The following AGXT2 variants were observed in gnomAD, a reference collection of about 807,000 sequenced individuals.
AGXT2 encodes the protein alanine--glyoxylate aminotransferase 2, mitochondrial.
A neutral mutation model predicts 62.5 loss-of-function variants in AGXT2; 61 were observed. The ratio of observed to expected loss-of-function variants is 0.98; its 90% CI spans 0.79 to 1.21. The LOEUF is 1.21. Ranked by LOEUF, AGXT2 falls within the 50% of genes most tolerant of loss-of-function variation. AGXT2 has a pLI of 0.00. For synonymous variants in AGXT2, 243 were observed against 218.7 expected (o/e 1.11, Z -0.98); for missense variants, 666 against 641.5 (o/e 1.04, Z -0.41).
chr5:35,027,704 C>A (rs184559992), intron 7 of AGXT2, among the ~76,000 whole-genome samples: 7 of 151,368 alleles, frequency 4.6e-5, no homozygotes, highest in East Asian at 2.0e-4. Flanking sequence ...TGTGAGAATT[C>A]TTTGAGGCCC....
intron 9 of AGXT2, among the ~76,000 whole-genome samples, chr5:35,024,399 C>G (rs1400775127): frequency 1.3e-5 from 2 of 152,144 alleles, no homozygotes; most frequent in Non-Finnish European, 2.9e-5. Context: ...CATAGCTACT[C>G]TCAGTAGACA....
intron 11 of AGXT2, among the ~76,000 whole-genome samples, 199 bp from the exon 12 acceptor site, chr5:35,010,348 GC>G (rs1484926468): frequency 1.3e-5 from 2 of 152,128 alleles, no homozygotes; most frequent in African/African-American, 2.4e-5. Flanking sequence ...ATATGCTTCT[GC>G]CCCCAACTCC....
intron 12 of AGXT2, among the ~76,000 whole-genome samples, chr5:35,006,830 T>C (rs987957144): frequency 6.6e-6 from 1 of 152,208 alleles, no homozygotes; most frequent in Non-Finnish European, 1.5e-5. Context: ...TTCTTGGGTA[T>C]TATAACTATG....
At chr5:35,014,264 C>A (rs1766761404) in intron 9 of AGXT2, 145 bp from the exon 10 acceptor site, 16 of 1,087,822 alleles carry the variant, frequency 1.5e-5, no homozygotes, top group Non-Finnish European at 2.2e-5. Flanking sequence ...CCAGCCTGGC[C>A]AAGATGGTGA....
intron 13 of AGXT2, among the ~76,000 whole-genome samples, chr5:35,002,206 C>T (rs1395628752): frequency 1.5e-4 from 14 of 92,460 alleles, no homozygotes; most frequent in Non-Finnish European, 3.9e-4. Context: ...ATGACCTGGA[C>T]TAGAAAAAAA....
chr5:35,023,081 G>A (rs755741424), intron 9 of AGXT2, among the ~76,000 whole-genome samples: 1 of 137,252 alleles, frequency 7.3e-6, no homozygotes, highest in Non-Finnish European at 1.5e-5. Context: ...TTCCGATATT[G>A]TTTTATTCAT....
At chr5:35,009,926 G>A in intron 12 of AGXT2, 74 bp downstream of exon 12, 1 of 1,594,970 alleles carries the variant, frequency 6.3e-7, no homozygotes, top group African/African-American at 1.3e-5. Flanking sequence ...AGTAAATGAA[G>A]TTTAGCTGAT....
At position 35,025,747 on chromosome 5, in the gene AGXT2, C is replaced by A; in HGVS notation, c.963+16G>T. On this transcript the variant is annotated intron_variant, in intron 9 of 13. Coordinates refer to ENST00000231420, the MANE Select transcript of AGXT2 (RefSeq NM_031900.4). ...TGTTCCCACTGCACTCAATGGCACC[C>A]TTACATGCCACTTACTTCATCTGCA... 13 of 1,613,148 alleles carry A rather than the reference C, an allele frequency of 8.1e-6. No homozygotes were observed. Among genetic ancestry groups the A allele is most frequent in the Non-Finnish European group, 1.1e-5 (13 of 1,179,164 alleles).
At position 35,026,657 on chromosome 5, in the gene AGXT2, G is replaced by A. The variant is rs1767366259; in HGVS notation, c.770-147C>T. The A allele has an allele frequency of 3.1e-6, 3 of 964,984 alleles. No homozygotes were observed. The African/African-American group carries it at 5.0e-5, about 16-fold the overall frequency. The allele number at this position is 964,984 out of a possible 1,614,324, so 59.8% of individuals were successfully genotyped here. A position where few individuals can be genotyped will look rare whatever the true frequency, so the allele number is the denominator to read the frequency against. ...GGACTTCAGAATACGGTAAACTGGG[G>A]TGAGGATATGCATTTCTGAAGGGGG... On this transcript the variant is annotated intron_variant, in intron 7 of 13. Coordinates refer to ENST00000231420, the MANE Select transcript of AGXT2 (RefSeq NM_031900.4).
Position 35,026,478 on chromosome 5 carries a change from G to T in AGXT2, c.802C>A (p.Gln268Lys). 6.2e-7 allele frequency: 1 copy of T among 1,613,924 alleles called. No homozygotes were observed. The highest frequency in any genetic ancestry group is 1.1e-5 in the South Asian group (1 of 91,070). Reference protein sequence around the residue: ...CCQAKDQYIEQFKDTLSTSVA... With the variant: ...CCQAKDQYIEKFKDTLSTSVA... ...GATGTGCTCAGCGTATCTTTGAATT[G>T]CTCAATATACTGATCTTTAGCTTGG... is the stretch of plus-strand genomic sequence containing the variant. Residue 268 changes from glutamine to lysine, a missense_variant, in exon 8 of 14, where the codon CAA becomes AAA. Transcript: ENST00000231420.
intron 5 of AGXT2, 33 bp downstream of exon 5, chr5:35,035,189 T>C (rs1045429539): frequency 2.9e-5 from 45 of 1,561,302 alleles, no homozygotes; most frequent in Non-Finnish European, 3.9e-5. Context: ...TAAGTCAGTG[T>C]TCCTAAAGTT....
At chr5:35,037,197 A>G in intron 3 of AGXT2, 132 bp from the exon 4 acceptor site, 2 of 1,349,932 alleles carry the variant, frequency 1.5e-6, no homozygotes, top group Non-Finnish European at 2.0e-6. Context: ...TACACATGAG[A>G]ATAAACTCCT....
intron 12 of AGXT2, among the ~76,000 whole-genome samples, chr5:35,008,525 C>T (rs1446239486): frequency 6.6e-6 from 1 of 152,196 alleles, no homozygotes; most frequent in East Asian, 1.9e-4. Flanking sequence ...TTGTACTTGT[C>T]CACACACTGA....
At chr5:35,013,079 G>A (rs528148122) in intron 10 of AGXT2, 34 bp from the exon 11 acceptor site, 31 of 1,519,856 alleles carry the variant, frequency 2.0e-5, no homozygotes, top group East Asian at 7.4e-5. Flanking sequence ...TGGAAAGAGG[G>A]ACACATTCCT....
At chr5:35,036,712 T>C (rs10060652) in intron 4 of AGXT2, among the ~76,000 whole-genome samples, 29,153 of 151,926 alleles carry the variant, frequency 0.19, 2,914 homozygotes, top group Middle Eastern at 0.29. Flanking sequence ...GGAACATTGG[T>C]TTGTTTCGCC....
intron 8 of AGXT2, chr5:35,026,100 T>C: frequency 1.7e-6 from 1 of 593,898 alleles, no homozygotes; most frequent in Admixed American, 3.0e-5. Flanking sequence ...TAAAAGAAAT[T>C]GGTGAGACTA....
intron 1 of AGXT2, among the ~76,000 whole-genome samples, chr5:35,043,041 G>A (rs1341978586): frequency 6.6e-6 from 1 of 152,164 alleles, no homozygotes; most frequent in Non-Finnish European, 1.5e-5. Context: ...TGCCAAGTGG[G>A]TAACTAGTGA....
chr5:35,044,270 G>A (rs372904096), intron 1 of AGXT2, among the ~76,000 whole-genome samples: 2 of 152,138 alleles, frequency 1.3e-5, no homozygotes, highest in African/African-American at 4.8e-5. Context: ...GTGTCTGGTC[G>A]GTAGAGAAAT....
At chr5:35,031,764 T>C (rs937781702) in intron 7 of AGXT2, among the ~76,000 whole-genome samples, 2 of 152,206 alleles carry the variant, frequency 1.3e-5, no homozygotes, top group Admixed American at 6.5e-5. Flanking sequence ...GTTTGACGGA[T>C]GCTCTCATTT....
Sources: gnomAD v4.1 joint callset for allele counts (sites outside exome capture counted in the v4.1 genomes callset) on GRCh38, gnomAD v4.1.1 for gene constraint, MANE v1.5 for transcripts, NCBI Gene and HGNC (gene_info 2026-07-23, HGNC 2026-07-21) for gene names.